Variants in FDX2 observed in about 807,000 individuals in gnomAD.
FDX2 encodes ferredoxin 2.
Under a neutral mutation model 18.5 loss-of-function variants are expected in FDX2, and 13 were observed. The observed-to-expected ratio is 0.70, with a 90% confidence interval of 0.46 to 1.12. The LOEUF is 1.12. FDX2 is among the 50% of genes most tolerant of loss of function. The pLI is 0.00. For synonymous variants in FDX2, 132 were observed against 106.2 expected (o/e 1.24, Z -1.49); for missense variants, 238 against 250.4 (o/e 0.95, Z 0.34).
chr19:10,313,079 A>C (rs571082678), intron 3 of FDX2, among the ~76,000 whole-genome samples: 4 of 152,210 alleles, frequency 2.6e-5, no homozygotes, highest in Admixed American at 6.5e-5. Context: ...TAGAGGTTGC[A>C]GTAAGCCAAG....
At chr19:10,315,338 TGGAC>T in intron 3 of FDX2, 44 bp downstream of exon 3, 2 of 1,032,662 alleles carry the variant, frequency 1.9e-6, no homozygotes, top group Non-Finnish European at 2.8e-6. Flanking sequence ...TTTTTTTTTT[TGGAC>T]AAATGTATAA....
Position 10,310,506 on chromosome 19 carries a change from G to A in FDX2, c.541C>T (p.His181Tyr), listed in dbSNP as rs752386156. Residue 181 changes from histidine (H) to tyrosine (Y), a missense_variant, in exon 5 of 5, where the codon CAT (histidine) becomes TAT (tyrosine). His to Tyr is a moderately conservative substitution (Grantham distance 83, BLOSUM62 2). Transcript: ENST00000393708. ...TCATGTCAGTGGGGCTTGGGGACATGGCCATCCACGTAGAAGTTCCTGGTG... is the reference window on the plus strand; with the variant it reads ...TCATGTCAGTGGGGCTTGGGGACATAGCCATCCACGTAGAAGTTCCTGGTG... 6.8e-6 allele frequency: 11 copies of A among 1,614,162 alleles called. No homozygotes were observed. The highest frequency in any genetic ancestry group is 9.3e-6 in the Non-Finnish European group (11 of 1,180,032).
At position 10,315,723 on chromosome 19, in the gene FDX2, G is replaced by A. The variant is rs771040604; in HGVS notation, c.191C>T (p.Pro64Leu). Residue 64 changes from proline (P) to leucine (L), a missense_variant, in exon 2 of 5, where the codon CCG becomes CTG. Physicochemically the swap from Pro to Leu is moderately conservative, Grantham distance 98 (BLOSUM62 -3). Transcript: ENST00000393708. ...CACTCACACGTCCCCGGGCCGCTCC[G>A]GGCCGCCCGCGTCCTCCTCTCCAGC... is the stretch of plus-strand genomic sequence containing the variant. 7.1e-6 allele frequency: 11 copies of A among 1,556,212 alleles called. No individual in the cohort carries two copies. The highest frequency in any genetic ancestry group is 6.8e-5 in the African/African-American group (5 of 73,182).
In FDX2 at chr19:10,311,069, C is replaced by A. The variant is rs1037233451; in HGVS notation, c.317-129G>T. ...ACGTCTCCCTCCTGGGCCTGCAGCT[C>A]CACTGTGTGTACCAGGCACTGTGTC... On this transcript the variant is annotated intron_variant, in intron 3 of 4. Transcript: ENST00000393708. The A allele has an allele frequency of 5.2e-5, 33 of 633,240 alleles. 1 individual carries two copies. The highest frequency in any genetic ancestry group is 4.1e-4 in the East Asian group (15 of 36,466). The allele number at this position is 633,240 out of a possible 1,614,324, so 39.2% of individuals were successfully genotyped here. A position where few individuals can be genotyped will look rare whatever the true frequency, so the allele number is the denominator to read the frequency against.
chr19:10,310,670 C>T (rs1367378288), intron 4 of FDX2, 28 bp from the exon 5 acceptor site: 2 of 1,604,520 alleles, frequency 1.2e-6, no homozygotes, highest in South Asian at 1.1e-5. Flanking sequence ...GCAGTGTTAG[C>T]CGAGGGCAAG....
chr19:10,315,715 G>A lies in FDX2; in HGVS notation c.199C>T (p.Pro67Ser), dbSNP rs1484145969. The change falls in exon 2 of 5, where the codon CCC becomes TCC. Residue 67 changes from proline to serine, a missense_variant. Coordinates refer to ENST00000393708, the MANE Select transcript of FDX2 (RefSeq NM_001031734.4). ...GCCCCCTGCACTCACACGTCCCCGG[G>A]CCGCTCCGGGCCGCCCGCGTCCTCC... is the stretch of plus-strand genomic sequence containing the variant. 3.9e-6 allele frequency: 6 copies of A among 1,551,982 alleles called. No homozygotes were observed. The highest frequency in any genetic ancestry group is 5.2e-6 in the Non-Finnish European group (6 of 1,148,958).
Position 10,315,837 on chromosome 19 carries a change from GGGCGCCCCA to G in FDX2, c.154+6_154+14del, listed in dbSNP as rs777510167. 23 of 1,596,410 alleles carry G rather than the reference GGGCGCCCCA, an allele frequency of 1.4e-5. No homozygotes were observed. The East Asian group carries it at 5.1e-4, about 36-fold the overall frequency. On this transcript the variant is annotated splice_donor_region_variant and intron_variant, in intron 1 of 4. Transcript: ENST00000393708. ...CTGACGGATTAACGCTGCCCGCCCC[GGGCGCCCCA>G]GGTACCTGTCGCTTGAAACTTTCTG...
rs139872378 is a variant in FDX2, at chr19:10,310,567, C to T, written c.480G>A (p.Pro160=). The change falls in exon 5 of 5, where the codon CCG becomes CCA. Residue 160 remains proline, a synonymous_variant. Coordinates refer to ENST00000393708, the MANE Select transcript of FDX2 (RefSeq NM_001031734.4). ...GGGTGAATTCCGCTCCTTCCAGCTC[C>T]GGTGTCAGCACAATCTGGCAGCCCA... 83 of 1,614,076 alleles carry T rather than the reference C, an allele frequency of 5.1e-5. No homozygotes were observed. Among genetic ancestry groups the T allele is most frequent in the Non-Finnish European group, 2.7e-5 (32 of 1,180,012 alleles).
chr19:10,315,811 T>C (rs753034266), intron 1 of FDX2, 41 bp downstream of exon 1: 1 of 1,600,172 alleles, frequency 6.2e-7, no homozygotes, highest in Non-Finnish European at 8.5e-7. Context: ...CCCGCCGGCA[T>C]CTGACGGATT....
intron 3 of FDX2, 61 bp downstream of exon 3, chr19:10,315,325 T>TTTTC: frequency 1.0e-6 from 1 of 999,234 alleles, no homozygotes; most frequent in Admixed American, 3.0e-5. Flanking sequence ...GTGGGTTTTT[T>TTTTC]TTTTTTTTTT....
At chr19:10,315,326 T>C in intron 3 of FDX2, 60 bp downstream of exon 3, 1 of 1,006,796 alleles carries the variant, frequency 9.9e-7, no homozygotes, top group Non-Finnish European at 1.4e-6. Context: ...TGGGTTTTTT[T>C]TTTTTTTTTT....
chr19:10,313,960 A>C (rs1350930043), intron 3 of FDX2, among the ~76,000 whole-genome samples: 1 of 150,516 alleles, frequency 6.6e-6, no homozygotes, highest in Non-Finnish European at 1.5e-5. Flanking sequence ...CTGGGATTAC[A>C]GGCGTGAGCC....
chr19:10,311,039 G>A (rs1318651504), intron 3 of FDX2, 99 bp from the exon 4 acceptor site: 2 of 806,748 alleles, frequency 2.5e-6, no homozygotes, highest in East Asian at 2.7e-5. Flanking sequence ...TCCACCACGT[G>A]CCTCACGTCT....
intron 3 of FDX2, among the ~76,000 whole-genome samples, chr19:10,314,339 T>C (rs12462703): frequency 0.2 from 30,332 of 152,142 alleles, 3,281 homozygotes; most frequent in Admixed American, 0.3. Flanking sequence ...CTGTTACATC[T>C]TGACAGGCAA....
At chr19:10,313,245 C>T (rs60081408) in intron 3 of FDX2, among the ~76,000 whole-genome samples, 2,875 of 152,246 alleles carry the variant, frequency 0.019, 89 homozygotes, top group African/African-American at 0.065. Flanking sequence ...CATAACCCCT[C>T]CCAACATATC....
chr19:10,315,349 A>G lies in FDX2; in HGVS notation c.316+37T>C, dbSNP rs55747710. The G allele has an allele frequency of 3.8e-3, 3,501 of 925,854 alleles. 98 individuals carry two copies. The African/African-American group carries it at 0.061, about 16-fold the overall frequency. The allele number at this position is 925,854 out of a possible 1,614,324, so 57.4% of individuals were successfully genotyped here. On this transcript the variant is annotated intron_variant, in intron 3 of 4. Transcript: ENST00000393708. The stretch of plus-strand genomic sequence containing the variant: ...TTTTTTTTTTTTTTTGGACAAATGT[A>G]TAAGGACCTCCTTAATTCCCTCTGC...
In FDX2 at chr19:10,315,318, G is replaced by GTTTTTT. The variant is rs374084891; in HGVS notation, c.316+67_316+68insAAAAAA. The GTTTTTT allele has an allele frequency of 1.9e-4, 81 of 428,550 alleles. 19 individuals carry two copies. Among genetic ancestry groups the GTTTTTT allele is most frequent in the South Asian group, 3.3e-4 (10 of 29,940 alleles). 26.5% of individuals were successfully genotyped at this position (428,550 alleles called of 1,614,324 possible). A position where few individuals can be genotyped will look rare whatever the true frequency, so the allele number is the denominator to read the frequency against. Reference sequence around the variant, plus strand: ...CGTGAAGAGACACACCTAATTTGTGGGTTTTTTTTTTTTTTTTTTTGGACA... The same window carrying GTTTTTT: ...CGTGAAGAGACACACCTAATTTGTGGTTTTTTGTTTTTTTTTTTTTTTTTTTGGACA... On this transcript the variant is annotated intron_variant, in intron 3 of 4. Transcript: ENST00000393708.
Position 10,310,927 on chromosome 19 carries a change from G to C in FDX2, c.330C>G (p.Ala110=). ...CATGGCAGGTGGAGCAGGCCAGGGA[G>C]GCTTCACAGGCCCCTAGGGGTGGGA... The change falls in exon 4 of 5, where the codon GCC becomes GCG. Residue 110 remains alanine, a synonymous_variant. Transcript: ENST00000393708. The C allele has an allele frequency of 6.2e-7, 1 of 1,612,422 alleles. No homozygotes were observed. Among genetic ancestry groups the C allele is most frequent in the African/African-American group, 1.3e-5 (1 of 75,010 alleles).
At chr19:10,312,812 C>T (rs2040337774) in intron 3 of FDX2, among the ~76,000 whole-genome samples, 1 of 151,866 alleles carries the variant, frequency 6.6e-6, no homozygotes, top group Non-Finnish European at 1.5e-5. Context: ...GCTGGGATTA[C>T]AGGCGTGAGC....
Sources: gnomAD v4.1 joint callset for allele counts (sites outside exome capture counted in the v4.1 genomes callset) on GRCh38, gnomAD v4.1.1 for gene constraint, MANE v1.5 for transcripts, NCBI Gene and HGNC (gene_info 2026-07-23, HGNC 2026-07-21) for gene names.